The following ZFPM1 variants were observed in gnomAD, a reference collection of about 807,000 sequenced individuals.
The protein encoded by ZFPM1 is zinc finger protein ZFPM1.
A neutral mutation model predicts 46.3 loss-of-function variants in ZFPM1; 28 were observed. The ratio of observed to expected loss-of-function variants is 0.60; its 90% CI spans 0.45 to 0.83. ZFPM1 has a LOEUF of 0.83. Among genes scored for constraint, ZFPM1 ranks in the 40% least tolerant of loss-of-function variants. The probability of loss-of-function intolerance (pLI) is 0.00; values close to 1 mark genes in which losing one functional copy is unlikely to be tolerated. For synonymous variants in ZFPM1, 957 were observed against 675.9 expected (o/e 1.42, Z -6.45); for missense variants, 1,878 against 1,432.4 (o/e 1.31, Z -5.02).
chr16:88,486,108 G>A (rs999599211), intron 2 of ZFPM1, 65 bp downstream of exon 2: 12 of 1,479,488 alleles, frequency 8.1e-6, no homozygotes, highest in Non-Finnish European at 1.1e-5. Flanking sequence ...CCCGTACCAT[G>A]CCCTCAGAGC....
intron 3 of ZFPM1, 98 bp from the exon 4 acceptor site, chr16:88,514,289 C>T: frequency 6.6e-7 from 1 of 1,511,170 alleles, no homozygotes; most frequent in South Asian, 1.2e-5. Context: ...GCCCCCAGGA[C>T]TGCCACCCTC....
intron 6 of ZFPM1, among the ~76,000 whole-genome samples, chr16:88,530,030 G>T (rs1369738293): frequency 1.3e-5 from 2 of 152,166 alleles, no homozygotes; most frequent in Non-Finnish European, 2.9e-5. Flanking sequence ...GCAGGTGACT[G>T]AAAGGAGCCG....
At chr16:88,496,002 C>T (rs1033503547) in intron 3 of ZFPM1, among the ~76,000 whole-genome samples, 1 of 152,140 alleles carries the variant, frequency 6.6e-6, no homozygotes, top group African/African-American at 2.4e-5. Flanking sequence ...CCAGCAGTGA[C>T]TCCTGCGGCT....
intron 1 of ZFPM1, among the ~76,000 whole-genome samples, chr16:88,456,640 G>C (rs1221216752): frequency 6.6e-6 from 1 of 152,214 alleles, no homozygotes; most frequent in Admixed American, 6.5e-5. Context: ...AGTAGGGCTG[G>C]CCTCAGTTTT....
At chr16:88,494,490 C>G (rs924140113) in intron 3 of ZFPM1, among the ~76,000 whole-genome samples, 3 of 152,076 alleles carry the variant, frequency 2.0e-5, no homozygotes, top group African/African-American at 7.2e-5. Context: ...TCACAGGGAC[C>G]AATCACAACA....
intron 3 of ZFPM1, among the ~76,000 whole-genome samples, chr16:88,493,593 C>T (rs1179894813): frequency 6.1e-5 from 9 of 147,506 alleles, no homozygotes; most frequent in South Asian, 4.3e-4. Context: ...TGAGCTGTCC[C>T]GGGGTAGGGA....
chr16:88,463,494 TACTAGGCCCCTGCCTCGC>T (rs1415072025), intron 1 of ZFPM1, among the ~76,000 whole-genome samples: 1 of 152,250 alleles, frequency 6.6e-6, no homozygotes, highest in Non-Finnish European at 1.5e-5. Flanking sequence ...ACTGGGCATT[TACTAGGCCCCTGCCTCGC>T]ACTAGGCCAC....
chr16:88,507,914 C>T (rs926588059), intron 3 of ZFPM1, among the ~76,000 whole-genome samples: 1 of 152,214 alleles, frequency 6.6e-6, no homozygotes, highest in African/African-American at 2.4e-5. Flanking sequence ...CAGCCACTCC[C>T]TCCTCTGGGC....
At position 88,469,716 on chromosome 16, in the gene ZFPM1, G is replaced by T. The variant is rs1358259476; in HGVS notation, c.40+16038G>T. Among the ~76,000 whole-genome samples the T allele has an allele frequency of 6.6e-6, 1 of 152,214 alleles. No individual in the cohort carries two copies. The stretch of plus-strand genomic sequence containing the variant: ...ACCTGAAAATCAGCCACAGGTGTGG[G>T]TGTTTGTCAAAAATGTGTAAGTGGA... On this transcript the variant is annotated intron_variant, in intron 1 of 9. Coordinates refer to ENST00000319555, the MANE Select transcript of ZFPM1 (RefSeq NM_153813.3). This position sits in a 1 kb window ranked among gnomAD's most constrained non-coding sequence, Gnocchi z 4.3.
At chr16:88,494,911 G>A (rs1003732040) in intron 3 of ZFPM1, among the ~76,000 whole-genome samples, 3 of 152,234 alleles carry the variant, frequency 2.0e-5, no homozygotes, top group South Asian at 2.1e-4. Flanking sequence ...AAGGATGGGC[G>A]GCAGGAGGCG....
At chr16:88,453,234 G>A (rs1385278382), upstream of ZFPM1, 2 of 147,202 alleles carry the variant, frequency 1.4e-5, no homozygotes, top group East Asian at 4.0e-4. Flanking sequence ...GGGGCGGGAG[G>A]TGCGGCGGCC....
intron 4 of ZFPM1, among the ~76,000 whole-genome samples, chr16:88,524,817 C>G (rs550022593): frequency 9.8e-5 from 15 of 152,334 alleles, no homozygotes; most frequent in Admixed American, 8.5e-4. Context: ...CTCTGTCCCC[C>G]CAACAGCCAT....
rs1315905305 is a variant in ZFPM1, at chr16:88,534,835, TC to T, written c.2880del (p.Ser961AlafsTer45). 1.9e-6 allele frequency: 3 copies of T among 1,548,886 alleles called. No homozygotes were observed. The highest frequency in any genetic ancestry group is 1.9e-5 in the Admixed American group (1 of 53,722). On this transcript the variant is annotated frameshift_variant, in exon 10 of 10. Coordinates refer to ENST00000319555, the MANE Select transcript of ZFPM1 (RefSeq NM_153813.3). LOFTEE classifies it low-confidence loss of function (END_TRUNC). ...CCTACTCGGACAAGGGCGTCCAGAC[TC>T]CCAGCAAGGGCACGCCGGCGCCGCT... is the stretch of plus-strand genomic sequence containing the variant. Reference protein sequence around the residue: ...PSYSDKGVQTPSKGTPAPLPN... With the variant: ...PSYSDKGVQTXSKGTPAPLPN...
intron 6 of ZFPM1, chr16:88,531,172 C>T (rs1229177126): frequency 1.3e-5 from 2 of 152,236 alleles, no homozygotes; most frequent in East Asian, 3.8e-4. Context: ...ACACGGAGGC[C>T]AAGGCCAAGC....
chr16:88,512,815 G>A (rs1911048105), intron 3 of ZFPM1: 1 of 152,086 alleles, frequency 6.6e-6, no homozygotes, highest in Admixed American at 6.5e-5. Context: ...TGGCCAGGTG[G>A]GCCAGAGTCG....
rs1039401476 is a variant in ZFPM1, at chr16:88,453,409, C to G, written c.-230C>G. 3.5e-4 allele frequency: 51 copies of G among 147,690 alleles called. No individual in the cohort carries two copies. Among genetic ancestry groups the G allele is most frequent in the African/African-American group, 1.2e-3 (51 of 40,906 alleles). 9.1% of individuals were successfully genotyped at this position (147,690 alleles called of 1,614,324 possible). On this transcript the variant is annotated 5_prime_UTR_variant, in exon 1 of 10. Transcript: ENST00000319555. Reference sequence around the variant, plus strand: ...GGGAGCGGAGGAGCCGGCACCCGCCCGTCGGGCAGTCCGCGCGCCCGCAAC... The same window carrying G: ...GGGAGCGGAGGAGCCGGCACCCGCCGGTCGGGCAGTCCGCGCGCCCGCAAC...
intron 9 of ZFPM1, 37 bp from the exon 10 acceptor site, chr16:88,533,111 C>A: frequency 6.8e-7 from 1 of 1,467,446 alleles, no homozygotes; most frequent in Non-Finnish European, 9.0e-7. Flanking sequence ...AGGTCCTGCC[C>A]CAGGCCTGAG....
chr16:88,522,750 G>A (rs1911998116), intron 4 of ZFPM1, among the ~76,000 whole-genome samples: 1 of 152,150 alleles, frequency 6.6e-6, no homozygotes, highest in African/African-American at 2.4e-5. Flanking sequence ...AACCCCAAGG[G>A]GCGGCAAACA....
intron 1 of ZFPM1, among the ~76,000 whole-genome samples, chr16:88,465,590 C>T (rs924803961): frequency 1.3e-5 from 2 of 152,202 alleles, no homozygotes; most frequent in African/African-American, 2.4e-5. Flanking sequence ...CCCGGTTATA[C>T]AGTAGGTACT....
Sources: allele counts gnomAD v4.1 joint callset (sites outside exome capture counted in the v4.1 genomes callset), GRCh38; gene constraint gnomAD v4.1.1; non-coding constraint Gnocchi (gnomAD v3.1); transcripts MANE v1.5; gene names NCBI Gene and HGNC (gene_info 2026-07-23, HGNC 2026-07-21).